The following COL20A1 variants were observed in gnomAD, a reference collection of about 807,000 sequenced individuals.
COL20A1 encodes collagen alpha-1(XX) chain.
Under a neutral mutation model 152.9 loss-of-function variants are expected in COL20A1, and 164 were observed. That is an observed-to-expected ratio of 1.07 (90% confidence interval 0.94 to 1.22). The LOEUF is 1.22. Among genes scored for constraint, COL20A1 ranks in the 50% most tolerant of loss-of-function variants. COL20A1 has a pLI of 0.00. For missense variants in COL20A1, 1,873 were observed against 1,744.8 expected (o/e 1.07, Z -1.31); for synonymous variants, 864 against 756.0 (o/e 1.14, Z -2.34).
intron 20 of COL20A1, 89 bp downstream of exon 20, chr20:63,315,528 A>G (rs1174566074): frequency 8.3e-7 from 1 of 1,206,134 alleles, no homozygotes; most frequent in African/African-American, 1.5e-5. Context: ...GTGACCTGGG[A>G]CCCAGTGGTG....
chr20:63,334,233 G>A lies in COL20A1; in HGVS notation c.*3517G>A, dbSNP rs2068366990. Reference sequence around the variant, plus strand: ...AACCAATGATAACAAGCTAAAGAATGCCTCTAGAAGCTAAAAGACACACCC... The same window carrying A: ...AACCAATGATAACAAGCTAAAGAATACCTCTAGAAGCTAAAAGACACACCC... On this transcript the variant is annotated 3_prime_UTR_variant, in exon 36 of 36. Coordinates refer to ENST00000358894, the MANE Select transcript of COL20A1 (RefSeq NM_020882.4). 1 of 152,222 alleles carries A rather than the reference G, an allele frequency of 6.6e-6. No individual in the cohort carries two copies. 9.4% of individuals were successfully genotyped at this position (152,222 alleles called of 1,614,324 possible). A position where few individuals can be genotyped will look rare whatever the true frequency, so the allele number is the denominator to read the frequency against.
At chr20:63,304,065 G>A (rs1397744094) in intron 3 of COL20A1, among the ~76,000 whole-genome samples, 2 of 141,828 alleles carry the variant, frequency 1.4e-5, no homozygotes, top group Non-Finnish European at 3.0e-5. Flanking sequence ...CCCTCCCAGT[G>A]TGCAGGTGTG....
In COL20A1 at chr20:63,326,243, CT is replaced by C. The variant is rs2068246559; in HGVS notation, c.3456+95del. On this transcript the variant is annotated intron_variant, in intron 30 of 35. Coordinates refer to ENST00000358894, the MANE Select transcript of COL20A1 (RefSeq NM_020882.4). ...CCAGTCTGAACACCAGCTGCCACCC[CT>C]AGGTTACCCCAGGAAGTGCCTGGGA... The C allele has an allele frequency of 7.0e-6, 7 of 1,002,582 alleles. No homozygotes were observed. In the Admixed American group the frequency reaches 9.1e-5, roughly 13 times the overall value. The allele number at this position is 1,002,582 out of a possible 1,614,324, so 62.1% of individuals were successfully genotyped here. A position where few individuals can be genotyped will look rare whatever the true frequency, so the allele number is the denominator to read the frequency against.
chr20:63,295,218 T>A, intron 2 of COL20A1, 29 bp downstream of exon 2: 1 of 1,493,200 alleles, frequency 6.7e-7, no homozygotes. Context: ...GGCCCCTGCT[T>A]GCCCCGAGGC....
chr20:63,328,229 C>A, intron 33 of COL20A1, 102 bp downstream of exon 33: 1 of 1,558,048 alleles, frequency 6.4e-7, no homozygotes, highest in East Asian at 2.3e-5. Context: ...GCCGCCTTCA[C>A]CCATCGTTAG....
chr20:63,330,252 T>G (rs1337089819), intron 35 of COL20A1, among the ~76,000 whole-genome samples: 1 of 151,956 alleles, frequency 6.6e-6, no homozygotes, highest in Non-Finnish European at 1.5e-5. Flanking sequence ...GAGCAGGTGG[T>G]GGGTACAGCA....
intron 29 of COL20A1, 41 bp from the exon 30 acceptor site, chr20:63,326,055 G>T: frequency 6.3e-7 from 1 of 1,588,912 alleles, no homozygotes; most frequent in Non-Finnish European, 8.6e-7. Flanking sequence ...GCTGGGTACA[G>T]GTACAAACCC....
rs776499900 is a variant in COL20A1 at position 63,307,527 on chromosome 20, T to A, written c.534T>A (p.Ala178=). The A allele has an allele frequency of 6.2e-7, 1 of 1,612,532 alleles. No individual in the cohort carries two copies. Among genetic ancestry groups the A allele is most frequent in the South Asian group, 1.1e-5 (1 of 91,076 alleles). ...PQFRCLPPVP[A]DMVFLVDGSW... ...TCCGCTGCCTGCCCCCCGTGCCTGCTGACATGGTCTTCCTGGTGGACGGGT... is the reference window on the plus strand; with the variant it reads ...TCCGCTGCCTGCCCCCCGTGCCTGCAGACATGGTCTTCCTGGTGGACGGGT... Residue 178 remains alanine, a synonymous_variant, in exon 6 of 36, where the codon GCT becomes GCA. Transcript: ENST00000358894.
intron 34 of COL20A1, chr20:63,329,206 G>A (rs2068299234): frequency 1.3e-5 from 3 of 229,586 alleles, no homozygotes; most frequent in East Asian, 2.3e-4. Context: ...TGGGCTGTGG[G>A]AACCCCTGCC....
At chr20:63,310,160 G>A (rs1208934931) in intron 10 of COL20A1, among the ~76,000 whole-genome samples, 2 of 152,166 alleles carry the variant, frequency 1.3e-5, no homozygotes, top group African/African-American at 4.8e-5. Flanking sequence ...TGGGGTTAGG[G>A]TCAGACTCAG....
intron 3 of COL20A1, among the ~76,000 whole-genome samples, chr20:63,304,105 G>A (rs1257699177): frequency 6.8e-6 from 1 of 146,456 alleles, no homozygotes; most frequent in Non-Finnish European, 1.5e-5. Flanking sequence ...CCCTCCAGGT[G>A]TGCAGGTGTG....
chr20:63,314,309 C>G (rs1404732094), intron 19 of COL20A1, 108 bp downstream of exon 19: 2 of 994,224 alleles, frequency 2.0e-6, no homozygotes, highest in East Asian at 5.2e-5. Flanking sequence ...CCAGCCAACC[C>G]CAGACCTAGT....
chr20:63,294,790 G>A (rs998054577), intron 1 of COL20A1, among the ~76,000 whole-genome samples: 1 of 152,230 alleles, frequency 6.6e-6, no homozygotes, highest in Non-Finnish European at 1.5e-5. Context: ...TGCACTGGGC[G>A]TGGGGACAAC....
Position 63,327,940 on chromosome 20 carries a change from C to T in COL20A1, c.3529-12C>T, listed in dbSNP as rs1447343873. 1.6e-5 allele frequency: 26 copies of T among 1,591,154 alleles called. No homozygotes were observed. Among genetic ancestry groups the T allele is most frequent in the Middle Eastern group, 1.7e-4 (1 of 6,050 alleles). ...TCTCTGCTGACTTCTTTTCTCTTCCCCTCCTCATCAGGGACTGCCAGGGCC... is the reference window on the plus strand; with the variant it reads ...TCTCTGCTGACTTCTTTTCTCTTCCTCTCCTCATCAGGGACTGCCAGGGCC... On this transcript the variant is annotated splice_polypyrimidine_tract_variant and intron_variant, in intron 31 of 35. Transcript: ENST00000358894.
rs1197317944 is a variant in COL20A1, at chr20:63,313,862, C to T, written c.2329C>T (p.Pro777Ser). The change falls in exon 18 of 36, where the codon CCC (proline) becomes TCC (serine). Residue 777 changes from proline (P) to serine (S), a missense_variant. By Grantham distance (74) the Pro-to-Ser change is moderately conservative. Transcript: ENST00000358894. The surrounding 1 kb of genome is among the most constrained non-coding windows in gnomAD (Gnocchi z 5.9). ...RVLHYWLTYAPASGLGPEKSV... is the reference protein window; with the variant it reads ...RVLHYWLTYASASGLGPEKSV... ...GCTCCATTACTGGCTCACCTACGCC[C>T]CCGCCTCTGGCTTGGGACCCGAGAA... 5 of 1,608,846 alleles carry T rather than the reference C, an allele frequency of 3.1e-6. No individual in the cohort carries two copies. The highest frequency in any genetic ancestry group is 1.7e-4 in the Middle Eastern group (1 of 6,034).
At chr20:63,327,449 G>A (rs2068268570) in intron 31 of COL20A1, 1 of 183,576 alleles carries the variant, frequency 5.4e-6, no homozygotes, top group Non-Finnish European at 1.2e-5. Context: ...TCCATGGAGG[G>A]TAGGGGGACA....
chr20:63,298,892 T>C (rs2067831749), intron 3 of COL20A1, among the ~76,000 whole-genome samples: 1 of 152,246 alleles, frequency 6.6e-6, no homozygotes, highest in Non-Finnish European at 1.5e-5. Flanking sequence ...AAACCCCTCC[T>C]GGGGTGGAAA....
At chr20:63,324,144 A>C (rs747819308) in intron 27 of COL20A1, among the ~76,000 whole-genome samples, 9 of 151,964 alleles carry the variant, frequency 5.9e-5, no homozygotes, top group Non-Finnish European at 1.2e-4. Flanking sequence ...TACAGCTTCT[A>C]CCTCATTATT....
Position 63,326,771 on chromosome 20 carries a change from G to T in COL20A1, c.3476G>T (p.Gly1159Val). ...PGPRGFQGMAGARGTSGERGP... is the reference protein window; with the variant it reads ...PGPRGFQGMAVARGTSGERGP... ...ATGCAGGGGTTCCAGGGCATGGCAG[G>T]GGCCAGGGGCACTAGTGGAGAGCGA... Residue 1159 changes from glycine (G) to valine (V), a missense_variant, in exon 31 of 36, where the codon GGG becomes GTG. Coordinates refer to ENST00000358894, the MANE Select transcript of COL20A1 (RefSeq NM_020882.4). 6.7e-7 allele frequency: 1 copy of T among 1,482,946 alleles called. No individual in the cohort carries two copies. Among genetic ancestry groups the T allele is most frequent in the Non-Finnish European group, 8.9e-7 (1 of 1,125,462 alleles). 91.9% of individuals were successfully genotyped at this position (1,482,946 alleles called of 1,614,324 possible).
Sources: gnomAD v4.1 joint callset for allele counts (sites outside exome capture counted in the v4.1 genomes callset) on GRCh38, gnomAD v4.1.1 for gene constraint, Gnocchi (gnomAD v3.1) non-coding constraint, MANE v1.5 for transcripts, NCBI Gene and HGNC (gene_info 2026-07-23, HGNC 2026-07-21) for gene names.